The following RPS6KC1 variants were observed in gnomAD, a reference collection of about 807,000 sequenced individuals.
RPS6KC1 encodes the protein ribosomal protein S6 kinase C1.
A neutral mutation model predicts 103.8 loss-of-function variants in RPS6KC1; 54 were observed. The ratio of observed to expected loss-of-function variants is 0.52; its 90% confidence interval spans 0.42 to 0.65. The LOEUF (loss-of-function observed/expected upper bound fraction) is 0.65. Ranked by LOEUF, RPS6KC1 falls within the 30% of genes least tolerant of loss-of-function variation. The probability of loss-of-function intolerance (pLI) is 0.00; values close to 1 mark genes in which losing one functional copy is unlikely to be tolerated. For missense variants in RPS6KC1, 1,151 were observed against 1,253.8 expected (o/e 0.92, Z 1.24); for synonymous variants, 439 against 438.7 (o/e 1.00, Z -0.01).
chr1:213,629,590 G>A, the RPS6KC1 span, among the ~76,000 whole-genome samples: 1 of 152,028 alleles, frequency 6.6e-6, no homozygotes, highest in Admixed American at 6.5e-5. Flanking sequence ...TACATTTAAG[G>A]TTAATATTGT....
intron 8 of RPS6KC1, among the ~76,000 whole-genome samples, chr1:213,228,236 A>G (rs1412714144): frequency 1.3e-5 from 2 of 152,236 alleles, no homozygotes. Flanking sequence ...GGAATATTTC[A>G]GGGAAAAACA....
intron 12 of RPS6KC1, among the ~76,000 whole-genome samples, chr1:213,258,125 A>G (rs2094695779): frequency 6.6e-6 from 1 of 151,930 alleles, no homozygotes; most frequent in South Asian, 2.1e-4. Flanking sequence ...GGGACTACAG[A>G]TGCGCGCCAC....
At chr1:213,222,197 A>G (rs544452655) in intron 8 of RPS6KC1, among the ~76,000 whole-genome samples, 2 of 152,222 alleles carry the variant, frequency 1.3e-5, no homozygotes, top group East Asian at 3.9e-4. Flanking sequence ...CTTCATGATA[A>G]TCTGCTATGT....
chr1:213,255,442 G>A (rs1553408671), intron 12 of RPS6KC1, among the ~76,000 whole-genome samples: 1 of 152,040 alleles, frequency 6.6e-6, no homozygotes, highest in Non-Finnish European at 1.5e-5. Context: ...TTTTAAAATA[G>A]CCTCAGAGAC....
At chr1:213,269,986 G>T (rs1349464038) in intron 14 of RPS6KC1, among the ~76,000 whole-genome samples, 2 of 151,918 alleles carry the variant, frequency 1.3e-5, no homozygotes, top group African/African-American at 4.8e-5. Flanking sequence ...ATAGAAAACA[G>T]AAGAATAAGA....
chr1:213,225,276 A>G (rs749340722), intron 8 of RPS6KC1, among the ~76,000 whole-genome samples: 10 of 152,122 alleles, frequency 6.6e-5, no homozygotes, highest in Non-Finnish European at 1.3e-4. Context: ...AAAATCACAT[A>G]TGTTCTTGTG....
chr1:213,147,806 A>C (rs886930553), intron 6 of RPS6KC1, among the ~76,000 whole-genome samples: 1 of 152,154 alleles, frequency 6.6e-6, no homozygotes, highest in Non-Finnish European at 1.5e-5. Flanking sequence ...TTTTAACAAT[A>C]TTGATTCTAC....
At chr1:213,192,171 G>T (rs566927416) in intron 8 of RPS6KC1, among the ~76,000 whole-genome samples, 19 of 152,270 alleles carry the variant, frequency 1.2e-4, no homozygotes, top group African/African-American at 3.6e-4. Context: ...CTTTCATTCT[G>T]TTGGTATGAT....
At chr1:213,773,840 T>A in the RPS6KC1 span, among the ~76,000 whole-genome samples, 1 of 152,214 alleles carries the variant, frequency 6.6e-6, no homozygotes, top group East Asian at 1.9e-4. Context: ...TAACCACATT[T>A]TGAAAATAAC....
At chr1:213,581,965 G>T in the RPS6KC1 span, among the ~76,000 whole-genome samples, 1 of 151,930 alleles carries the variant, frequency 6.6e-6, no homozygotes, top group Admixed American at 6.5e-5. Flanking sequence ...TGATCCGTCA[G>T]ACTTCCTCTG....
chr1:213,249,533 C>T (rs928920141), intron 12 of RPS6KC1, among the ~76,000 whole-genome samples: 4 of 152,148 alleles, frequency 2.6e-5, no homozygotes, highest in Non-Finnish European at 4.4e-5. Context: ...AGAGAGAGAG[C>T]GCAAGCAAGC....
At chr1:213,137,165 T>G (rs1020364635) in intron 6 of RPS6KC1, among the ~76,000 whole-genome samples, 2 of 152,096 alleles carry the variant, frequency 1.3e-5, no homozygotes, top group Non-Finnish European at 2.9e-5. Context: ...CTTTCTCTCA[T>G]TTTCTTCTTT....
At chr1:213,169,843 G>A (rs978107393) in intron 7 of RPS6KC1, among the ~76,000 whole-genome samples, 5 of 148,650 alleles carry the variant, frequency 3.4e-5, no homozygotes, top group African/African-American at 1.3e-4. Context: ...GTGCAGTGGC[G>A]CGATCTCAGC....
the RPS6KC1 span, among the ~76,000 whole-genome samples, chr1:213,813,089 A>G: frequency 6.6e-6 from 1 of 152,060 alleles, no homozygotes; most frequent in African/African-American, 2.4e-5. Flanking sequence ...CGTCTCTACT[A>G]AAAATGCAAA....
chr1:213,069,433 G>A (rs1339678833), intron 1 of RPS6KC1, among the ~76,000 whole-genome samples: 2 of 152,178 alleles, frequency 1.3e-5, no homozygotes, highest in Non-Finnish European at 2.9e-5. Context: ...GTTCACAACA[G>A]CCAGGCCAGG....
At chr1:213,191,113 T>C (rs2092728680) in intron 8 of RPS6KC1, among the ~76,000 whole-genome samples, 1 of 152,200 alleles carries the variant, frequency 6.6e-6, no homozygotes, top group Non-Finnish European at 1.5e-5. Context: ...TTGCTTAGGA[T>C]TGCATTGGCT....
chr1:213,434,716 A>T, the RPS6KC1 span, among the ~76,000 whole-genome samples: 1 of 151,842 alleles, frequency 6.6e-6, no homozygotes, highest in Non-Finnish European at 1.5e-5. Flanking sequence ...TCTGCCTCCC[A>T]GTGGGCTGGG....
chr1:213,455,022 G>A, the RPS6KC1 span, among the ~76,000 whole-genome samples: 1 of 152,160 alleles, frequency 6.6e-6, no homozygotes, highest in Non-Finnish European at 1.5e-5. Context: ...TCCAGGCCAC[G>A]AGGACCTAGT....
chr1:213,353,054 T>C, the RPS6KC1 span, among the ~76,000 whole-genome samples: 1 of 152,246 alleles, frequency 6.6e-6, no homozygotes, highest in African/African-American at 2.4e-5. Flanking sequence ...TTGGGACTTC[T>C]AAAGAAAGGA....
Sources: gnomAD v4.1 joint callset for allele counts (sites outside exome capture counted in the v4.1 genomes callset) on GRCh38, gnomAD v4.1.1 for gene constraint, MANE v1.5 for transcripts, NCBI Gene and HGNC (gene_info 2026-07-23, HGNC 2026-07-21) for gene names.